Variants in USP34 observed in about 807,000 individuals in gnomAD.
The protein encoded by USP34 is ubiquitin carboxyl-terminal hydrolase 34.
USP34 carries 70 observed loss-of-function variants against 460.3 expected under a neutral mutation model. That is an observed-to-expected ratio of 0.15 (90% CI 0.13 to 0.19). The LOEUF (loss-of-function observed/expected upper bound fraction) is 0.19. USP34 is among the 10% of genes least tolerant of loss of function. The pLI, the probability that USP34 is intolerant of heterozygous loss-of-function variation, is 1.00. For synonymous variants in USP34, 1,647 were observed against 1,405.3 expected (o/e 1.17, Z -3.85); for missense variants, 3,985 against 4,236.2 (o/e 0.94, Z 1.65).
intron 1 of USP34, among the ~76,000 whole-genome samples, chr2:61,456,964 G>C (rs547848999): frequency 3.3e-5 from 5 of 152,044 alleles, no homozygotes; most frequent in African/African-American, 1.2e-4. Flanking sequence ...CTGGGCAACA[G>C]AGCAAGACTC....
intron 32 of USP34, among the ~76,000 whole-genome samples, chr2:61,294,150 C>A (rs1431414670): frequency 6.6e-6 from 1 of 152,074 alleles, no homozygotes; most frequent in South Asian, 2.1e-4. Flanking sequence ...TCAAGACCAT[C>A]CTGGCTAACA....
chr2:61,383,827 G>A (rs1423513057), intron 5 of USP34, among the ~76,000 whole-genome samples: 1 of 152,110 alleles, frequency 6.6e-6, no homozygotes, highest in African/African-American at 2.4e-5. Context: ...AATTACACAT[G>A]TATCAGGAAA....
intron 2 of USP34, among the ~76,000 whole-genome samples, chr2:61,416,470 A>C (rs934276831): frequency 3.3e-5 from 5 of 152,222 alleles, no homozygotes; most frequent in African/African-American, 1.2e-4. Context: ...GATAGGTAGG[A>C]GACAGCAAAG....
chr2:61,245,842 C>T (rs1012236307), intron 50 of USP34, among the ~76,000 whole-genome samples: 2 of 152,052 alleles, frequency 1.3e-5, no homozygotes, highest in African/African-American at 4.8e-5. Flanking sequence ...TAGGCCAGAC[C>T]CTACCTAACA....
chr2:61,395,540 T>C, intron 3 of USP34, among the ~76,000 whole-genome samples: 1 of 147,672 alleles, frequency 6.8e-6, no homozygotes, highest in Non-Finnish European at 1.5e-5. Context: ...GGCTCACGCC[T>C]GTAATCCCAG....
chr2:61,463,016 TAAGACTCCATCTCCA>T (rs1398576929), intron 1 of USP34, among the ~76,000 whole-genome samples: 3 of 151,658 alleles, frequency 2.0e-5, no homozygotes, highest in Admixed American at 2.0e-4. Flanking sequence ...GATGACAGAA[TAAGACTCCATCTCCA>T]AAGGGGGGAA....
rs1558470110 is a variant in USP34 at position 61,214,712 on chromosome 2, A to AAAC, written c.8048-21_8048-19dup. The AAAC allele has an allele frequency of 6.2e-7, 1 of 1,611,786 alleles. No individual in the cohort carries two copies. Among genetic ancestry groups the AAAC allele is most frequent in the Admixed American group, 1.7e-5 (1 of 59,706 alleles). On this transcript the variant is annotated intron_variant, in intron 67 of 79. Coordinates refer to ENST00000398571, the MANE Select transcript of USP34 (RefSeq NM_014709.4). ...AGCTGCAGCTATAAAATGTAAAACAAAACTGTCAGATCCTTGTAAGATATA... is the reference window on the plus strand; with the variant it reads ...AGCTGCAGCTATAAAATGTAAAACAAAACAACTGTCAGATCCTTGTAAGATATA...
rs185496534 is a variant in USP34, at chr2:61,414,810, C to T, written c.131+5936G>A. On this transcript the variant is annotated intron_variant, in intron 2 of 79. Transcript: ENST00000398571. ...TTCCTATTGGTTACTTGGTATACAC[C>T]CTACCTAAATGAAGTAGTGGCCCAT... Among the ~76,000 whole-genome samples, 323 of 152,098 alleles carry T rather than the reference C, an allele frequency of 2.1e-3. 1 individual carries two copies. Among genetic ancestry groups the T allele is most frequent in the Non-Finnish European group, 3.9e-3 (265 of 68,000 alleles).
intron 43 of USP34, among the ~76,000 whole-genome samples, chr2:61,264,719 A>G (rs543213096): frequency 3.3e-5 from 5 of 152,180 alleles, no homozygotes; most frequent in Non-Finnish European, 5.9e-5. Context: ...TACAAAAGGC[A>G]AACTAAAAAA....
chr2:61,299,706 C>G (rs1690161212), intron 29 of USP34, among the ~76,000 whole-genome samples: 1 of 152,174 alleles, frequency 6.6e-6, no homozygotes, highest in Non-Finnish European at 1.5e-5. Context: ...GAGCTACGAT[C>G]ATACCACTGC....
chr2:61,272,154 G>C (rs562117588), intron 41 of USP34, among the ~76,000 whole-genome samples: 1 of 152,216 alleles, frequency 6.6e-6, no homozygotes, highest in Non-Finnish European at 1.5e-5. Flanking sequence ...GCTCACGCCT[G>C]TAATCCCAGC....
At chr2:61,353,161 C>T (rs747385423) in intron 10 of USP34, among the ~76,000 whole-genome samples, 5 of 152,174 alleles carry the variant, frequency 3.3e-5, no homozygotes, top group Non-Finnish European at 7.3e-5. Flanking sequence ...CAGTAAGGAC[C>T]ACGTCCCTGA....
In USP34 at chr2:61,188,576, C is replaced by G. The variant is rs1488863848; in HGVS notation, c.10167G>C (p.Glu3389Asp). The G allele has an allele frequency of 1.9e-6, 3 of 1,614,072 alleles. No individual in the cohort carries two copies. The highest frequency in any genetic ancestry group is 2.5e-6 in the Non-Finnish European group (3 of 1,180,046). The part of the protein sequence containing the change: ...VLTPTSTSDN[E>D]TRDSSIIDPG... Reference sequence around the variant, plus strand: ...GATCAATAATTGAGGAGTCTCTGGTCTCATTGTCAGAAGTGCTCGTTGGGG... The same window carrying G: ...GATCAATAATTGAGGAGTCTCTGGTGTCATTGTCAGAAGTGCTCGTTGGGG... Residue 3389 changes from glutamate to aspartate, a missense_variant, in exon 80 of 80, where the codon GAG (glutamate) becomes GAC (aspartate). By Grantham distance (45) the Glu-to-Asp change is conservative (BLOSUM62 2). This residue lies in a region of USP34 where 506 missense variants were observed against 439.0 expected (regional missense o/e 1.15). Transcript: ENST00000398571.
chr2:61,234,910 A>G (rs1275231947), intron 57 of USP34, among the ~76,000 whole-genome samples: 1 of 152,246 alleles, frequency 6.6e-6, no homozygotes, highest in Admixed American at 6.5e-5. Flanking sequence ...TGCTGGGATT[A>G]CAGGCGTGAG....
chr2:61,287,546 C>A (rs1051492326), intron 34 of USP34, among the ~76,000 whole-genome samples: 5 of 152,180 alleles, frequency 3.3e-5, no homozygotes, highest in Non-Finnish European at 5.9e-5. Flanking sequence ...AGGCCAACCC[C>A]TCACCTTCCT....
chr2:61,195,683 A>G (rs1040347924), intron 75 of USP34, among the ~76,000 whole-genome samples: 1 of 152,072 alleles, frequency 6.6e-6, no homozygotes, highest in Admixed American at 6.6e-5. Context: ...AACAAAACAA[A>G]AAAACCATTA....
At chr2:61,226,774 G>A (rs986102168) in intron 62 of USP34, 2 of 241,702 alleles carry the variant, frequency 8.3e-6, no homozygotes, top group South Asian at 1.2e-4. Context: ...GTTAAAGAAC[G>A]AATGCACGCT....
At chr2:61,208,388 A>ATATGTAT (rs1191601718) in intron 70 of USP34, 1 of 152,210 alleles carries the variant, frequency 6.6e-6, no homozygotes, top group Non-Finnish European at 1.5e-5. Context: ...ATGTCTCCCT[A>ATATGTAT]AAATGTATAA....
intron 27 of USP34, among the ~76,000 whole-genome samples, chr2:61,307,656 A>G (rs1257840018): frequency 6.6e-6 from 1 of 152,160 alleles, no homozygotes; most frequent in Non-Finnish European, 1.5e-5. Flanking sequence ...CAAAATAAAC[A>G]TTTTTAGAGA....
Sources: allele counts gnomAD v4.1 joint callset (sites outside exome capture counted in the v4.1 genomes callset), GRCh38; gene constraint gnomAD v4.1.1; regional missense constraint gnomAD v4.1.1; transcripts MANE v1.5; gene names NCBI Gene and HGNC (gene_info 2026-07-23, HGNC 2026-07-21).